The following TK2 variants were observed in gnomAD, a reference collection of about 807,000 sequenced individuals.
TK2 encodes thymidine kinase 2.
Under a neutral mutation model 41.9 loss-of-function variants are expected in TK2, and 35 were observed. The observed-to-expected ratio is 0.84, with a 90% CI of 0.64 to 1.11. The LOEUF (loss-of-function observed/expected upper bound fraction) is 1.11. Ranked by LOEUF, TK2 falls within the 50% of genes least tolerant of loss-of-function variation. TK2 has a pLI of 0.00. For missense variants in TK2, 320 were observed against 351.1 expected (o/e 0.91, Z 0.71); for synonymous variants, 128 against 129.1 (o/e 0.99, Z 0.06).
At chr16:66,512,818 C>T (rs1326997389) in intron 9 of TK2, among the ~76,000 whole-genome samples, 3 of 152,166 alleles carry the variant, frequency 2.0e-5, no homozygotes, top group Non-Finnish European at 4.4e-5. Context: ...ACAGTAATAT[C>T]TCACTTTCCG....
At chr16:66,522,322 T>C (rs1205220134) in intron 6 of TK2, among the ~76,000 whole-genome samples, 7 of 152,222 alleles carry the variant, frequency 4.6e-5, no homozygotes, top group Admixed American at 6.5e-5. Flanking sequence ...GCCCAGCCTG[T>C]GGTTCCAAAC....
intron 3 of TK2, among the ~76,000 whole-genome samples, chr16:66,540,802 C>CT (rs1965434945): frequency 6.6e-6 from 1 of 152,242 alleles, no homozygotes; most frequent in Non-Finnish European, 1.5e-5. Context: ...GTCCTTTCTT[C>CT]TTACCCATGT....
chr16:66,550,233 C>A (rs918596611), upstream of TK2: 6 of 1,607,554 alleles, frequency 3.7e-6, no homozygotes, highest in African/African-American at 8.0e-5. Context: ...AGGTTCGCCG[C>A]TGGCAGCCAG....
intron 6 of TK2, among the ~76,000 whole-genome samples, chr16:66,524,333 CTTTT>C (rs1359962521): frequency 2.6e-5 from 4 of 151,974 alleles, no homozygotes; most frequent in Non-Finnish European, 5.9e-5. Flanking sequence ...TGGCTACCAG[CTTTT>C]TTTATTTTTA....
At chr16:66,525,999 A>T (rs575143230) in intron 6 of TK2, among the ~76,000 whole-genome samples, 31 of 152,358 alleles carry the variant, frequency 2.0e-4, no homozygotes, top group South Asian at 1.2e-3. Flanking sequence ...CCAATGCCGT[A>T]ACCACAGAGA....
At chr16:66,513,335 A>G (rs1161922006) in intron 9 of TK2, among the ~76,000 whole-genome samples, 1 of 152,238 alleles carries the variant, frequency 6.6e-6, no homozygotes, top group Non-Finnish European at 1.5e-5. Flanking sequence ...CCAGACAATG[A>G]CATTCCTTCT....
chr16:66,529,219 T>C (rs1965032295), intron 5 of TK2, 152 bp from the exon 6 acceptor site: 1 of 765,194 alleles, frequency 1.3e-6, no homozygotes, highest in Non-Finnish European at 2.3e-6. Context: ...ACCTCCTCAC[T>C]CCCCTGCCGG....
rs1005147676 is a variant in TK2, at chr16:66,510,790, C to A, written c.*1178G>T. The stretch of plus-strand genomic sequence containing the variant: ...TGCAAATCCCAACTTTCCAGACTAT[C>A]CCCAAAGGGAACGTTCTTTCTTTCT... On this transcript the variant is annotated 3_prime_UTR_variant, in exon 10 of 10. Coordinates refer to ENST00000544898, the MANE Select transcript of TK2 (RefSeq NM_004614.5). 4 of 152,226 alleles carry A rather than the reference C, an allele frequency of 2.6e-5. No homozygotes were observed. Among genetic ancestry groups the A allele is most frequent in the African/African-American group, 9.7e-5 (4 of 41,448 alleles). The allele number at this position is 152,226 out of a possible 1,614,324, so 9.4% of individuals were successfully genotyped here.
intron 1 of TK2, 140 bp from the exon 2 acceptor site, chr16:66,549,149 G>A: frequency 2.6e-6 from 4 of 1,526,998 alleles, no homozygotes; most frequent in Non-Finnish European, 2.6e-6. Flanking sequence ...GGCGCCCTCC[G>A]AGATTGGAGG....
intron 6 of TK2, among the ~76,000 whole-genome samples, chr16:66,518,972 T>A (rs931036137): frequency 1.3e-5 from 2 of 151,964 alleles, no homozygotes; most frequent in African/African-American, 2.4e-5. Flanking sequence ...TTTTTTTTTT[T>A]ATTTTTTGAG....
At chr16:66,548,886 G>T in intron 2 of TK2, 92 bp downstream of exon 2, 2 of 1,264,918 alleles carry the variant, frequency 1.6e-6, no homozygotes, top group Non-Finnish European at 2.3e-6. Flanking sequence ...TTTTTACTAT[G>T]GAATGTATTT....
At position 66,542,171 on chromosome 16, in the gene TK2, C is replaced by G. The variant is rs900865310; in HGVS notation, c.157-218G>C. Among the ~76,000 whole-genome samples, 9 of 152,150 alleles carry G rather than the reference C, an allele frequency of 5.9e-5. No individual in the cohort carries two copies. The East Asian group carries it at 1.7e-3, about 29-fold the overall frequency. On this transcript the variant is annotated intron_variant, in intron 2 of 9. Coordinates refer to ENST00000544898, the MANE Select transcript of TK2 (RefSeq NM_004614.5). ...CCTGAGTGGCAGGCTCATGTGGTCC[C>G]CCCAGACCAGATCCTCCTTTACGTC...
chr16:66,537,143 G>T, intron 3 of TK2, 126 bp from the exon 4 acceptor site: 1 of 1,308,310 alleles, frequency 7.6e-7, no homozygotes. Flanking sequence ...AAATTTGGGT[G>T]CCCAAGGTAG....
chr16:66,512,299 A>G (rs1239072783), intron 9 of TK2, among the ~76,000 whole-genome samples: 1 of 152,208 alleles, frequency 6.6e-6, no homozygotes, highest in East Asian at 1.9e-4. Flanking sequence ...ATGGTGGCTC[A>G]TGTCTATTAT....
intron 6 of TK2, among the ~76,000 whole-genome samples, chr16:66,518,967 T>A (rs577463755): frequency 2.0e-5 from 3 of 152,148 alleles, no homozygotes; most frequent in South Asian, 4.1e-4. Context: ...TTTATTTTTT[T>A]TTTTTATTTT....
chr16:66,515,169 T>TAA (rs61424609), intron 8 of TK2, among the ~76,000 whole-genome samples: 3 of 125,578 alleles, frequency 2.4e-5, no homozygotes, highest in African/African-American at 5.8e-5. Context: ...CAATAAATAC[T>TAA]AAAAAAAAAA....
In TK2 at chr16:66,511,613, T is replaced by C. The variant is rs1056866656; in HGVS notation, c.*355A>G. Reference sequence around the variant, plus strand: ...TAAGACTCCTACCTCGGCCTCCTAATGAAGGCTGAGACGATTGGTACACAG... The same window carrying C: ...TAAGACTCCTACCTCGGCCTCCTAACGAAGGCTGAGACGATTGGTACACAG... On this transcript the variant is annotated 3_prime_UTR_variant, in exon 10 of 10. Coordinates refer to ENST00000544898, the MANE Select transcript of TK2 (RefSeq NM_004614.5). 2 of 379,312 alleles carry C rather than the reference T, an allele frequency of 5.3e-6. No homozygotes were observed. The highest frequency in any genetic ancestry group is 4.2e-5 in the African/African-American group (2 of 48,110). 23.5% of individuals were successfully genotyped at this position (379,312 alleles called of 1,614,324 possible). A position where few individuals can be genotyped will look rare whatever the true frequency, so the allele number is the denominator to read the frequency against.
At chr16:66,538,358 T>TCC (rs1309203425) in intron 3 of TK2, among the ~76,000 whole-genome samples, 5 of 151,984 alleles carry the variant, frequency 3.3e-5, no homozygotes, top group African/African-American at 9.7e-5. Flanking sequence ...AATATGCCCT[T>TCC]CCCCTGCCCC....
chr16:66,520,090 G>T (rs1005557996), intron 6 of TK2, among the ~76,000 whole-genome samples: 1 of 152,192 alleles, frequency 6.6e-6, no homozygotes, highest in African/African-American at 2.4e-5. Flanking sequence ...AGCGGGGCCT[G>T]AGCAGACTGC....
Sources: allele counts gnomAD v4.1 joint callset (sites outside exome capture counted in the v4.1 genomes callset), GRCh38; gene constraint gnomAD v4.1.1; transcripts MANE v1.5; gene names NCBI Gene and HGNC (gene_info 2026-07-23, HGNC 2026-07-21).